FNDC1: variants seen among roughly 807,000 people sequenced by gnomAD.
The protein encoded by FNDC1 is fibronectin type III domain containing 1, also known as fibronectin type III domain-containing protein 1.
Under a neutral mutation model 168.0 loss-of-function variants are expected in FNDC1, and 96 were observed. The ratio of observed to expected loss-of-function variants is 0.57; its 90% CI spans 0.48 to 0.68. The LOEUF (loss-of-function observed/expected upper bound fraction) is 0.68, where lower values mean the gene tolerates loss of function less well. Ranked by LOEUF, FNDC1 falls within the 30% of genes least tolerant of loss-of-function variation. The probability of loss-of-function intolerance (pLI) is 0.00; values close to 1 mark genes in which losing one functional copy is unlikely to be tolerated. For synonymous variants in FNDC1, 1,099 were observed against 1,025.9 expected (o/e 1.07, Z -1.36); for missense variants, 2,587 against 2,482.1 (o/e 1.04, Z -0.90).
intron 5 of FNDC1, among the ~76,000 whole-genome samples, chr6:159,216,667 C>T (rs558005021): frequency 3.3e-5 from 5 of 152,294 alleles, no homozygotes; most frequent in Admixed American, 6.5e-5. Flanking sequence ...GTGGGGAAAC[C>T]GGGCCACAGA....
intron 4 of FNDC1, among the ~76,000 whole-genome samples, chr6:159,212,437 C>T (rs2114964153): frequency 6.6e-6 from 1 of 152,202 alleles, no homozygotes; most frequent in Non-Finnish European, 1.5e-5. Flanking sequence ...TTAATATGCA[C>T]ATCAGTTTAA....
chr6:159,189,746 C>T (rs1398191086), intron 1 of FNDC1, among the ~76,000 whole-genome samples: 1 of 152,216 alleles, frequency 6.6e-6, no homozygotes, highest in Non-Finnish European at 1.5e-5. Context: ...CGGTTTTGAG[C>T]TATAAGACAA....
chr6:159,204,485 C>T (rs1473527912), intron 4 of FNDC1, among the ~76,000 whole-genome samples: 1 of 152,208 alleles, frequency 6.6e-6, no homozygotes, highest in Non-Finnish European at 1.5e-5. Context: ...CCATAGTAGA[C>T]TTTGGACCTG....
chr6:159,175,899 TTTACTGGACCA>T (rs1361592427), intron 1 of FNDC1, among the ~76,000 whole-genome samples: 2 of 152,234 alleles, frequency 1.3e-5, no homozygotes, highest in African/African-American at 4.8e-5. Flanking sequence ...CTCAGTTTTG[TTTACTGGACCA>T]TTTAAGTCAA....
chr6:159,228,494 T>C lies in FNDC1; in HGVS notation c.1181-1321T>C, dbSNP rs994990064. ...AAGTTTGTTGATTTTCAATGAGAAA[T>C]GAATGCTGTTTTTTCCAGACAAATG... is the stretch of plus-strand genomic sequence containing the variant. On this transcript the variant is annotated intron_variant, in intron 9 of 22. Transcript: ENST00000297267. Among the ~76,000 whole-genome samples the C allele has an allele frequency of 7.2e-5, 11 of 152,256 alleles. No homozygotes were observed. In the Middle Eastern group the frequency reaches 0.014, roughly 188 times the overall value.
Position 159,232,289 on chromosome 6 carries a change from C to T in FNDC1, c.1777C>T (p.Arg593Ter). 6.2e-7 allele frequency: 1 copy of T among 1,611,444 alleles called. No homozygotes were observed. The highest frequency in any genetic ancestry group is 2.2e-5 in the East Asian group (1 of 44,746). Residue 593 changes from arginine to a stop codon, truncating the protein, a stop_gained, in exon 11 of 23, where the codon CGA becomes TGA. Transcript: ENST00000297267. LOFTEE classifies it high-confidence loss of function. This position sits in a 1 kb window ranked among gnomAD's most constrained non-coding sequence, Gnocchi z 4.9. ...GAGGGCCCGGATGCCAGCGCTGCCC[C>T]GAAGGGAAGGCGTAGATAAGCCTGG... The part of the protein sequence containing the change: ...AVRARMPALP[R>*]REGVDKPGFS...
At chr6:159,207,610 T>C (rs923176378) in intron 4 of FNDC1, among the ~76,000 whole-genome samples, 2 of 152,224 alleles carry the variant, frequency 1.3e-5, no homozygotes, top group East Asian at 3.8e-4. Flanking sequence ...ATATTAATCC[T>C]GAAAGGAAGC....
chr6:159,173,281 G>A (rs1018877229), intron 1 of FNDC1, among the ~76,000 whole-genome samples: 1 of 37,760 alleles, frequency 2.6e-5, no homozygotes, highest in Non-Finnish European at 5.8e-5. Context: ...GCTAGTCTCC[G>A]CGCTTCAGAA....
rs111696715 is a variant in FNDC1, at chr6:159,201,830, T to C, written c.460+1249T>C. 8.0e-3 allele frequency among the ~76,000 whole-genome samples: 1,224 copies of C among 152,366 alleles called. 9 individuals carry two copies. Among genetic ancestry groups the C allele is most frequent in the Non-Finnish European group, 0.013 (852 of 68,038 alleles). On this transcript the variant is annotated intron_variant, in intron 4 of 22. Coordinates refer to ENST00000297267, the MANE Select transcript of FNDC1 (RefSeq NM_032532.3). ...CATTTGAATCTTATATTTTGTGTTT[T>C]AAATAAGCGTCTTATTTTTACATCC...
At chr6:159,251,641 T>A in intron 17 of FNDC1, 109 bp downstream of exon 17, 1 of 894,340 alleles carries the variant, frequency 1.1e-6, no homozygotes, top group Non-Finnish European at 1.7e-6. Flanking sequence ...GTGGGTTGGA[T>A]GGGTTGGATG....
Position 159,268,424 on chromosome 6 carries a change from G to A in FNDC1, c.5569+498G>A, listed in dbSNP as rs371904608. Among the ~76,000 whole-genome samples, 11 of 151,952 alleles carry A rather than the reference G, an allele frequency of 7.2e-5. No homozygotes were observed. The South Asian group carries it at 2.3e-3, about 32-fold the overall frequency. On this transcript the variant is annotated intron_variant, in intron 22 of 22. Transcript: ENST00000297267. Reference sequence around the variant, plus strand: ...TCTGATTTGCTAAATTTTTAGATTCGAAAAAATGCTGTAGGTAGCTACATG... The same window carrying A: ...TCTGATTTGCTAAATTTTTAGATTCAAAAAAATGCTGTAGGTAGCTACATG...
At chr6:159,238,298 C>T (rs914835230) in intron 12 of FNDC1, among the ~76,000 whole-genome samples, 1 of 151,968 alleles carries the variant, frequency 6.6e-6, no homozygotes, top group African/African-American at 2.4e-5. Context: ...GGGGTTTCAC[C>T]GTGGTCTCGA....
At chr6:159,204,512 G>A (rs1202273196) in intron 4 of FNDC1, among the ~76,000 whole-genome samples, 1 of 152,186 alleles carries the variant, frequency 6.6e-6, no homozygotes, top group Non-Finnish European at 1.5e-5. Flanking sequence ...CTTCCCAGCT[G>A]TGGGGTCCAG....
chr6:159,188,690 T>A (rs1411037577), intron 1 of FNDC1, among the ~76,000 whole-genome samples: 1 of 151,862 alleles, frequency 6.6e-6, no homozygotes, highest in Non-Finnish European at 1.5e-5. Context: ...CTCAATTTCT[T>A]TGAGTGCGTC....
rs937582113 is a variant in FNDC1 at position 159,229,776 on chromosome 6, T to C, written c.1181-39T>C. The C allele has an allele frequency of 1.9e-6, 3 of 1,577,378 alleles. No homozygotes were observed. In the African/African-American group the frequency reaches 4.1e-5, roughly 21 times the overall value. ...CTGTCTGCTGGACACAGGACTGTTT[T>C]CAGTTTCCTCCTTCCAACCATCTGC... On this transcript the variant is annotated intron_variant, in intron 9 of 22. Coordinates refer to ENST00000297267, the MANE Select transcript of FNDC1 (RefSeq NM_032532.3).
At chr6:159,222,877 T>C (rs1346295545) in intron 6 of FNDC1, among the ~76,000 whole-genome samples, 1 of 152,176 alleles carries the variant, frequency 6.6e-6, no homozygotes, top group African/African-American at 2.4e-5. Flanking sequence ...ACAGTGTATA[T>C]TGAGAAAGCA....
Position 159,199,985 on chromosome 6 carries a change from G to A in FNDC1, c.305-11G>A, listed in dbSNP as rs369458847. On this transcript the variant is annotated splice_polypyrimidine_tract_variant and intron_variant, in intron 2 of 22. Transcript: ENST00000297267. ...CTGAATTGGTGGCTTGATATGAACC[G>A]TATGTTTCAGAGCCGGGGGTAGTGT... The A allele has an allele frequency of 9.3e-5, 149 of 1,595,966 alleles. No individual in the cohort carries two copies. The highest frequency in any genetic ancestry group is 7.5e-4 in the African/African-American group (56 of 74,786).
rs1777750622 is a variant in FNDC1, at chr6:159,271,585, G to A, written c.*143G>A. 6.4e-6 allele frequency: 4 copies of A among 627,804 alleles called. No homozygotes were observed. Among genetic ancestry groups the A allele is most frequent in the Admixed American group, 2.4e-5 (1 of 41,006 alleles). The allele number at this position is 627,804 out of a possible 1,614,324, so 38.9% of individuals were successfully genotyped here. On this transcript the variant is annotated 3_prime_UTR_variant, in exon 23 of 23. Transcript: ENST00000297267. ...GTCATAGATGGACACTGGCCATTCTGGTCATCTCAGTCTGGAACTCAGTCC... is the reference window on the plus strand; with the variant it reads ...GTCATAGATGGACACTGGCCATTCTAGTCATCTCAGTCTGGAACTCAGTCC...
At chr6:159,201,758 G>A (rs1001366887) in intron 4 of FNDC1, among the ~76,000 whole-genome samples, 1 of 152,312 alleles carries the variant, frequency 6.6e-6, no homozygotes, top group East Asian at 1.9e-4. Context: ...ACACACACAT[G>A]TAAACAGACA....
Sources: allele counts gnomAD v4.1 joint callset (sites outside exome capture counted in the v4.1 genomes callset), GRCh38; gene constraint gnomAD v4.1.1; non-coding constraint Gnocchi (gnomAD v3.1); transcripts MANE v1.5; gene names NCBI Gene and HGNC (gene_info 2026-07-23, HGNC 2026-07-21).